AFF4: variants seen among roughly 807,000 people sequenced by gnomAD.
AFF4 encodes ALF transcription elongation factor 4.
Under a neutral mutation model 124.8 loss-of-function variants are expected in AFF4, and 13 were observed. The observed-to-expected ratio is 0.10, with a 90% CI of 0.07 to 0.17. The LOEUF (loss-of-function observed/expected upper bound fraction) is 0.17, where lower values mean the gene tolerates loss of function less well. Among genes scored for constraint, AFF4 ranks in the 10% least tolerant of loss-of-function variants. AFF4 has a pLI of 1.00. For synonymous variants in AFF4, 477 were observed against 496.1 expected, an observed-to-expected ratio of 0.96 and a Z score of 0.51; for missense variants, 1,092 against 1,403.8, an observed-to-expected ratio of 0.78 and a Z score of 3.55.
chr5:132,927,280 G>C (rs1761194118), intron 4 of AFF4, 73 bp from the exon 5 acceptor site: 1 of 1,300,614 alleles, frequency 7.7e-7, no homozygotes, highest in Non-Finnish European at 1.1e-6. Flanking sequence ...AACCAGATTT[G>C]TATTTATAAA....
intron 5 of AFF4, among the ~76,000 whole-genome samples, chr5:132,922,457 C>T (rs1273335696): frequency 2.0e-5 from 3 of 151,982 alleles, no homozygotes; most frequent in Non-Finnish European, 2.9e-5. Context: ...AAGATTTATA[C>T]ACAAATATTC....
intron 1 of AFF4, among the ~76,000 whole-genome samples, chr5:132,959,065 G>C (rs568303468): frequency 1.1e-3 from 162 of 151,700 alleles, no homozygotes; most frequent in African/African-American, 3.8e-3. Context: ...AGTTCATTAA[G>C]AACTCCAAGA....
At chr5:132,952,852 C>G (rs1463816239) in intron 1 of AFF4, among the ~76,000 whole-genome samples, 2 of 152,108 alleles carry the variant, frequency 1.3e-5, no homozygotes, top group African/African-American at 4.8e-5. Context: ...GAGCCAAGAT[C>G]GTACCACTGC....
chr5:132,952,360 C>A (rs1761864546), intron 1 of AFF4, among the ~76,000 whole-genome samples: 1 of 152,194 alleles, frequency 6.6e-6, no homozygotes, highest in South Asian at 2.1e-4. Context: ...TTCCATATTG[C>A]TAAATTCAAC....
intron 1 of AFF4, among the ~76,000 whole-genome samples, chr5:132,938,336 C>T (rs954526042): frequency 1.3e-5 from 2 of 151,688 alleles, no homozygotes; most frequent in Admixed American, 6.6e-5. Flanking sequence ...TGCGATCTCC[C>T]AGCTCACCAC....
chr5:132,899,408 T>A (rs892632725), intron 8 of AFF4, among the ~76,000 whole-genome samples, 179 bp downstream of exon 8: 11 of 151,938 alleles, frequency 7.2e-5, no homozygotes, highest in African/African-American at 2.2e-4. Flanking sequence ...CCCAATTTTT[T>A]AAAAAAATAA....
intron 5 of AFF4, among the ~76,000 whole-genome samples, chr5:132,912,185 A>C (rs541712438): frequency 2.0e-5 from 3 of 151,594 alleles, no homozygotes; most frequent in South Asian, 2.1e-4. Flanking sequence ...AAAAAAAAAA[A>C]AAAAAAACAT....
At chr5:132,940,486 G>A (rs1269506302) in intron 1 of AFF4, among the ~76,000 whole-genome samples, 1 of 151,724 alleles carries the variant, frequency 6.6e-6, no homozygotes, top group South Asian at 2.1e-4. Flanking sequence ...GGGCGACAGA[G>A]GGAGACTCCG....
intron 5 of AFF4, among the ~76,000 whole-genome samples, chr5:132,916,691 A>G (rs1434302564): frequency 6.6e-6 from 1 of 152,076 alleles, no homozygotes; most frequent in African/African-American, 2.4e-5. Context: ...GCAGCAACCC[A>G]GTGTCTCTGT....
At chr5:132,909,714 T>C (rs1447961350) in intron 5 of AFF4, among the ~76,000 whole-genome samples, 1 of 152,242 alleles carries the variant, frequency 6.6e-6, no homozygotes, top group Admixed American at 6.5e-5. Context: ...ATTCTATAAC[T>C]GAGTTGAAGA....
intron 1 of AFF4, among the ~76,000 whole-genome samples, chr5:132,948,200 G>A (rs142770013): frequency 6.6e-6 from 1 of 152,068 alleles, no homozygotes; most frequent in Non-Finnish European, 1.5e-5. Flanking sequence ...ACAGGCACCC[G>A]CCAACATGTC....
At chr5:132,940,696 A>G (rs1022184386) in intron 1 of AFF4, among the ~76,000 whole-genome samples, 2 of 152,174 alleles carry the variant, frequency 1.3e-5, no homozygotes, top group Non-Finnish European at 2.9e-5. Flanking sequence ...GTGAACACTT[A>G]TAAGGCTACC....
At position 132,878,939 on chromosome 5, in the gene AFF4, A is replaced by C. The variant is rs950020432; in HGVS notation, c.*2120T>G. The C allele has an allele frequency of 4.5e-6, 1 of 221,914 alleles. No individual in the cohort carries two copies. Among genetic ancestry groups the C allele is most frequent in the Non-Finnish European group, 9.0e-6 (1 of 110,950 alleles). The allele number at this position is 221,914 out of a possible 1,614,324, so 13.7% of individuals were successfully genotyped here. A position where few individuals can be genotyped will look rare whatever the true frequency, so the allele number is the denominator to read the frequency against. On this transcript the variant is annotated 3_prime_UTR_variant, in exon 21 of 21. Coordinates refer to ENST00000265343, the MANE Select transcript of AFF4 (RefSeq NM_014423.4). ...ACATCACTGCAAATTAAGGAATCCA[A>C]GTCAGAAAAATCAGAGAAGGACAAG...
At chr5:132,899,241 C>T (rs2150074816) in intron 8 of AFF4, 100 bp from the exon 9 acceptor site, 2 of 1,140,080 alleles carry the variant, frequency 1.8e-6, no homozygotes, top group South Asian at 2.8e-5. Context: ...AAACTGGATT[C>T]TCTAATGTAT....
chr5:132,902,391 T>G, intron 7 of AFF4, 51 bp downstream of exon 7: 1 of 1,443,282 alleles, frequency 6.9e-7, no homozygotes, highest in Non-Finnish European at 9.7e-7. Context: ...ATATTACAGG[T>G]AACTTTTAGC....
rs956971226 is a variant in AFF4 at position 132,876,338 on chromosome 5, GA to G, written c.*4720del. The stretch of plus-strand genomic sequence containing the variant: ...ATATGGATGATCATGGCATTGATTT[GA>G]AAGGCAGCATTTCCAAATTGATATT... On this transcript the variant is annotated 3_prime_UTR_variant, in exon 21 of 21. Transcript: ENST00000265343. 2 of 226,756 alleles carry G rather than the reference GA, an allele frequency of 8.8e-6. No homozygotes were observed. Among genetic ancestry groups the G allele is most frequent in the African/African-American group, 4.5e-5 (2 of 44,884 alleles). 14.0% of individuals were successfully genotyped at this position (226,756 alleles called of 1,614,324 possible). A position where few individuals can be genotyped will look rare whatever the true frequency, so the allele number is the denominator to read the frequency against.
Position 132,875,730 on chromosome 5 carries a change from C to T in AFF4, c.*5329G>A. 4.9e-6 allele frequency: 1 copy of T among 205,066 alleles called. No homozygotes were observed. The highest frequency in any genetic ancestry group is 7.5e-5 in the East Asian group (1 of 13,278). 12.7% of individuals were successfully genotyped at this position (205,066 alleles called of 1,614,324 possible). A position where few individuals can be genotyped will look rare whatever the true frequency, so the allele number is the denominator to read the frequency against. ...GCACATACTGACTTAGAAATCCTAG[C>T]TTTTGAGCCCCAAAGTACCTCTGAA... On this transcript the variant is annotated 3_prime_UTR_variant, in exon 21 of 21. Transcript: ENST00000265343.
chr5:132,883,399 T>G lies in AFF4; in HGVS notation c.3305A>C (p.Asn1102Thr). The G allele has an allele frequency of 1.9e-6, 3 of 1,614,088 alleles. No individual in the cohort carries two copies. The South Asian group carries it at 3.3e-5, about 18-fold the overall frequency. Reference protein sequence around the residue: ...MAASYVQVTSNFLYATEIWDQ... With the variant: ...MAASYVQVTSTFLYATEIWDQ... Reference sequence around the variant, plus strand: ...CCAAATTTCGGTGGCATAGAGGAAGTTGGATGTGACCTGAACATAGCTGGC... The same window carrying G: ...CCAAATTTCGGTGGCATAGAGGAAGGTGGATGTGACCTGAACATAGCTGGC... Residue 1102 changes from asparagine (N) to threonine (T), a missense_variant, in exon 20 of 21, where the codon AAC (asparagine) becomes ACC (threonine). By Grantham distance (65) the Asn-to-Thr change is moderately conservative. Transcript: ENST00000265343.
intron 11 of AFF4, among the ~76,000 whole-genome samples, 199 bp downstream of exon 11, chr5:132,896,124 T>G (rs1760385161): frequency 6.6e-6 from 1 of 152,266 alleles, no homozygotes; most frequent in Non-Finnish European, 1.5e-5. Flanking sequence ...GCAACTATTC[T>G]GCTTTACTGA....
Sources: gnomAD v4.1 joint callset for allele counts (sites outside exome capture counted in the v4.1 genomes callset) on GRCh38, gnomAD v4.1.1 for gene constraint, MANE v1.5 for transcripts, NCBI Gene and HGNC (gene_info 2026-07-23, HGNC 2026-07-21) for gene names.